The following ANKH variants were observed in gnomAD, a reference collection of about 807,000 sequenced individuals.
ANKH encodes the protein mineralization regulator ANKH.
In ANKH, 15 loss-of-function variants were observed where a neutral mutation model predicts 49.0. The observed-to-expected ratio is 0.31, with a 90% CI of 0.20 to 0.47. ANKH has a LOEUF of 0.47. Ranked by LOEUF, ANKH falls within the 20% of genes least tolerant of loss-of-function variation. The pLI, the probability that ANKH is intolerant of heterozygous loss-of-function variation, is 1.00. For synonymous variants in ANKH, 273 were observed against 260.0 expected, an observed-to-expected ratio of 1.05 and a Z score of -0.48; for missense variants, 429 against 652.0, an observed-to-expected ratio of 0.66 and a Z score of 3.72.
At chr5:14,795,008 A>G (rs527551094) in intron 1 of ANKH, among the ~76,000 whole-genome samples, 13 of 152,384 alleles carry the variant, frequency 8.5e-5, no homozygotes, top group Middle Eastern at 6.8e-3. Context: ...TGTGCCTGGC[A>G]CTACTTGTCT....
chr5:14,730,360 CAG>C (rs943331582), intron 8 of ANKH, among the ~76,000 whole-genome samples: 11 of 152,122 alleles, frequency 7.2e-5, no homozygotes, highest in African/African-American at 1.2e-4. Context: ...TTAAGGGAAA[CAG>C]ATTTCAAAAC....
chr5:14,793,005 T>TAAATATATATATATAA (rs1740225047), intron 1 of ANKH, among the ~76,000 whole-genome samples: 4 of 60,290 alleles, frequency 6.6e-5, no homozygotes, highest in African/African-American at 1.6e-4. Flanking sequence ...TATATATATA[T>TAAATATATATATATAA]AAATATATAT....
At chr5:14,827,879 A>C (rs2126594400) in intron 1 of ANKH, among the ~76,000 whole-genome samples, 1 of 152,288 alleles carries the variant, frequency 6.6e-6, no homozygotes, top group East Asian at 1.9e-4. Flanking sequence ...CATAATCTGA[A>C]ATGGTAACTT....
Position 14,830,032 on chromosome 5 carries a change from GA to G in ANKH, c.96+41319del, listed in dbSNP as rs371464108. 2.0e-3 allele frequency among the ~76,000 whole-genome samples: 301 copies of G among 152,270 alleles called. 1 individual carries two copies. Among genetic ancestry groups the G allele is most frequent in the African/African-American group, 6.8e-3 (282 of 41,546 alleles). ...AGTCACTTATCTTTTGTCTGTATGA[GA>G]GATGGAGGCATGAATTGATGTGAAG... On this transcript the variant is annotated intron_variant, in intron 1 of 11. Coordinates refer to ENST00000284268, the MANE Select transcript of ANKH (RefSeq NM_054027.6).
At chr5:14,864,854 C>T (rs1441791078) in intron 1 of ANKH, among the ~76,000 whole-genome samples, 3 of 152,146 alleles carry the variant, frequency 2.0e-5, no homozygotes, top group African/African-American at 7.2e-5. Flanking sequence ...GTGAAACATA[C>T]ACACATACAC....
chr5:14,797,001 T>C (rs1740411118), intron 1 of ANKH: 1 of 1,131,034 alleles, frequency 8.8e-7, no homozygotes, highest in Admixed American at 3.3e-5. Context: ...AATAGCATTA[T>C]CGGTGGTACC....
At chr5:14,714,427 G>A (rs1040165429) in intron 9 of ANKH, among the ~76,000 whole-genome samples, 1 of 152,228 alleles carries the variant, frequency 6.6e-6, no homozygotes, top group Non-Finnish European at 1.5e-5. Flanking sequence ...TTGAGGACGC[G>A]CAGGGCAGGG....
At chr5:14,828,399 C>A (rs552152989) in intron 1 of ANKH, among the ~76,000 whole-genome samples, 21 of 152,118 alleles carry the variant, frequency 1.4e-4, no homozygotes, top group African/African-American at 4.8e-4. Flanking sequence ...GGGTGCCTGG[C>A]GCCTGTAATC....
chr5:14,851,514 T>A (rs1420896319), intron 1 of ANKH, among the ~76,000 whole-genome samples: 1 of 152,224 alleles, frequency 6.6e-6, no homozygotes, highest in African/African-American at 2.4e-5. Context: ...TTACAAACTG[T>A]GAAGTGCTCT....
chr5:14,843,976 C>T (rs762916454), intron 1 of ANKH, among the ~76,000 whole-genome samples: 1 of 152,138 alleles, frequency 6.6e-6, no homozygotes, highest in South Asian at 2.1e-4. Flanking sequence ...TTCTCTTCCT[C>T]GAAGGAGAGA....
At chr5:14,724,499 G>A (rs1737764336) in intron 8 of ANKH, 1 of 956,678 alleles carries the variant, frequency 1.0e-6, no homozygotes, top group Admixed American at 6.2e-5. Context: ...GGATCAGAAG[G>A]ATCAGTGCAG....
intron 1 of ANKH, among the ~76,000 whole-genome samples, chr5:14,836,024 T>C (rs1212606040): frequency 6.6e-6 from 1 of 152,192 alleles, no homozygotes; most frequent in Admixed American, 6.5e-5. Context: ...AACCACATGA[T>C]TATCTCCATA....
At chr5:14,749,113 A>G in intron 6 of ANKH, 59 bp downstream of exon 6, 1 of 1,610,750 alleles carries the variant, frequency 6.2e-7, no homozygotes, top group African/African-American at 1.3e-5. Context: ...AATCAGTTTC[A>G]GCACCCCCCT....
intron 1 of ANKH, among the ~76,000 whole-genome samples, chr5:14,849,160 T>C (rs1298147867): frequency 6.6e-6 from 1 of 152,210 alleles, no homozygotes; most frequent in Non-Finnish European, 1.5e-5. Context: ...TGCCTCAACC[T>C]CAGTCGCTAA....
intron 2 of ANKH, 41 bp downstream of exon 2, chr5:14,768,934 T>A: frequency 6.3e-7 from 1 of 1,583,916 alleles, no homozygotes; most frequent in Non-Finnish European, 8.7e-7. Flanking sequence ...GAATAAGAAA[T>A]TGCCAAAGCT....
intron 1 of ANKH, among the ~76,000 whole-genome samples, chr5:14,805,437 ATGTG>A (rs1337395956): frequency 9.2e-6 from 1 of 109,100 alleles, no homozygotes; most frequent in African/African-American, 3.6e-5. Flanking sequence ...AAACATATAT[ATGTG>A]TGTGTGTATA....
intron 1 of ANKH, among the ~76,000 whole-genome samples, chr5:14,793,057 T>TATATATATATATA (rs1451315549): frequency 7.3e-5 from 4 of 54,676 alleles, no homozygotes; most frequent in African/African-American, 2.0e-4. Context: ...TAAATATATA[T>TATATATATATATA]AAAATATATA....
chr5:14,844,151 C>T (rs1351922597), intron 1 of ANKH, among the ~76,000 whole-genome samples: 1 of 152,174 alleles, frequency 6.6e-6, no homozygotes, highest in African/African-American at 2.4e-5. Context: ...TTAGTACTCC[C>T]CAAGTGTGGT....
intron 1 of ANKH, among the ~76,000 whole-genome samples, chr5:14,771,854 C>A (rs1157938293): frequency 7.1e-6 from 1 of 140,198 alleles, no homozygotes; most frequent in Admixed American, 7.7e-5. Context: ...GTGGAGGTTG[C>A]GATGAGCTGA....
Sources: allele counts gnomAD v4.1 joint callset (sites outside exome capture counted in the v4.1 genomes callset), GRCh38; gene constraint gnomAD v4.1.1; transcripts MANE v1.5; gene names NCBI Gene and HGNC (gene_info 2026-07-23, HGNC 2026-07-21).